The following RIN2 variants were observed in gnomAD, a reference collection of about 807,000 sequenced individuals.
RIN2 encodes Ras and Rab interactor 2.
RIN2 carries 36 observed loss-of-function variants against 78.0 expected under a neutral mutation model. The observed-to-expected ratio is 0.46, with a 90% confidence interval of 0.35 to 0.61. The LOEUF is 0.61. RIN2 is among the 20% of genes least tolerant of loss of function. The pLI is 0.00. For synonymous variants in RIN2, 466 were observed against 466.8 expected (o/e 1.00, Z 0.02); for missense variants, 1,087 against 1,159.7 (o/e 0.94, Z 0.91).
At chr20:19,857,842 T>C (rs910236444) in intron 2 of RIN2, among the ~76,000 whole-genome samples, 1 of 152,044 alleles carries the variant, frequency 6.6e-6, no homozygotes, top group Non-Finnish European at 1.5e-5. Context: ...TAATAATAAT[T>C]TGGATTTTCC....
At chr20:19,855,108 CA>C (rs1454928662) in intron 2 of RIN2, among the ~76,000 whole-genome samples, 2 of 152,178 alleles carry the variant, frequency 1.3e-5, no homozygotes, top group Non-Finnish European at 2.9e-5. Flanking sequence ...TGAATTTCGT[CA>C]AAGGCCTTTT....
At chr20:19,769,119 A>G (rs1409327460) in intron 1 of RIN2, among the ~76,000 whole-genome samples, 1 of 151,954 alleles carries the variant, frequency 6.6e-6, no homozygotes, top group Non-Finnish European at 1.5e-5. Flanking sequence ...ATGGGCTTTC[A>G]CCATGTTGGC....
intron 3 of RIN2, among the ~76,000 whole-genome samples, chr20:19,899,230 A>G (rs1010248512): frequency 2.0e-5 from 3 of 152,156 alleles, no homozygotes; most frequent in Non-Finnish European, 4.4e-5. Flanking sequence ...ATTGACTTAA[A>G]TACTGGTAGA....
chr20:19,928,027 G>T (rs373724938), intron 3 of RIN2, among the ~76,000 whole-genome samples: 1 of 151,788 alleles, frequency 6.6e-6, no homozygotes. Flanking sequence ...CTCCGCCTTC[G>T]GAGTAGCTGG....
At chr20:19,793,780 G>A (rs1026678549) in intron 1 of RIN2, among the ~76,000 whole-genome samples, 1 of 152,186 alleles carries the variant, frequency 6.6e-6, no homozygotes, top group Non-Finnish European at 1.5e-5. Context: ...ACAATTCATC[G>A]TTTTGTAGGA....
intron 1 of RIN2, among the ~76,000 whole-genome samples, chr20:19,795,251 G>A (rs1241823125): frequency 6.6e-6 from 1 of 152,150 alleles, no homozygotes; most frequent in Admixed American, 6.5e-5. Context: ...ATTTGTAAGT[G>A]GCTATAGTGT....
Position 19,975,061 on chromosome 20 carries a change from G to A in RIN2, c.1036G>A (p.Val346Ile). The change falls in exon 9 of 13, where the codon GTA becomes ATA. Residue 346 changes from valine (V) to isoleucine (I), a missense_variant. Physicochemically the swap from Val to Ile is conservative, Grantham distance 29. Coordinates refer to ENST00000255006, the MANE Select transcript of RIN2 (RefSeq NM_018993.4). This position sits in a 1 kb window ranked among gnomAD's most constrained non-coding sequence, Gnocchi z 4.9. ...AGTCAACCATAACAAACATGGGAACGTAGCTCTGCCTGGAACGAAACCAAC... is the reference window on the plus strand; with the variant it reads ...AGTCAACCATAACAAACATGGGAACATAGCTCTGCCTGGAACGAAACCAAC... ...ETVNHNKHGNVALPGTKPTPI... is the reference protein window; with the variant it reads ...ETVNHNKHGNIALPGTKPTPI... 3 of 1,613,268 alleles carry A rather than the reference G, an allele frequency of 1.9e-6. No homozygotes were observed. The highest frequency in any genetic ancestry group is 8.5e-7 in the Non-Finnish European group (1 of 1,179,836).
At chr20:19,923,469 T>TAAAATAAATAAAATAAAATA (rs144067000) in intron 3 of RIN2, among the ~76,000 whole-genome samples, 1 of 97,120 alleles carries the variant, frequency 1.0e-5, no homozygotes, top group African/African-American at 4.3e-5. Context: ...TAAAATAAAA[T>TAAAATAAATAAAATAAAATA]AAATAAAATA....
At chr20:20,000,330 G>A (rs2043104587) in intron 12 of RIN2, among the ~76,000 whole-genome samples, 1 of 152,216 alleles carries the variant, frequency 6.6e-6, no homozygotes, top group Non-Finnish European at 1.5e-5. Context: ...TTAAGCAGGG[G>A]TTTCTTAACC....
intron 2 of RIN2, among the ~76,000 whole-genome samples, chr20:19,845,749 A>G (rs1210716462): frequency 6.6e-6 from 1 of 151,976 alleles, no homozygotes; most frequent in Non-Finnish European, 1.5e-5. Context: ...CCATTTGTCT[A>G]TTTTGGCTTT....
intron 2 of RIN2, among the ~76,000 whole-genome samples, chr20:19,874,168 T>C (rs1267234034): frequency 6.6e-6 from 1 of 152,048 alleles, no homozygotes; most frequent in African/African-American, 2.4e-5. Context: ...AAGGCTGTGA[T>C]GGAGAAAATG....
At chr20:19,874,682 T>G (rs1413924917) in intron 2 of RIN2, among the ~76,000 whole-genome samples, 1 of 152,146 alleles carries the variant, frequency 6.6e-6, no homozygotes, top group Non-Finnish European at 1.5e-5. Flanking sequence ...AGAGTTGGCT[T>G]CCAGGGGAAT....
At chr20:19,946,165 C>G (rs1407771016) in intron 4 of RIN2, among the ~76,000 whole-genome samples, 3 of 152,094 alleles carry the variant, frequency 2.0e-5, no homozygotes, top group Non-Finnish European at 4.4e-5. Flanking sequence ...TGAATATGGG[C>G]TGGGGATGAG....
At chr20:19,851,025 GGAAGGAAGGAAGGAAGGAA>G (rs2036948116) in intron 2 of RIN2, among the ~76,000 whole-genome samples, 2 of 120,602 alleles carry the variant, frequency 1.7e-5, no homozygotes, top group African/African-American at 7.3e-5. Flanking sequence ...AAGGAAGGAA[GGAAGGAAGGAAGGAAGGAA>G]GGAAGGAGAA....
intron 7 of RIN2, among the ~76,000 whole-genome samples, chr20:19,965,418 C>T (rs773004837): frequency 6.6e-6 from 1 of 152,170 alleles, no homozygotes; most frequent in East Asian, 1.9e-4. Flanking sequence ...AATGTGCATG[C>T]AAACCTGTGA....
chr20:19,934,102 G>A (rs140115020), intron 3 of RIN2, among the ~76,000 whole-genome samples: 1 of 152,174 alleles, frequency 6.6e-6, no homozygotes, highest in Non-Finnish European at 1.5e-5. Flanking sequence ...GAGCCGCTAT[G>A]CCTGGCCAAT....
intron 3 of RIN2, among the ~76,000 whole-genome samples, chr20:19,893,078 T>C (rs1347792051): frequency 6.6e-6 from 1 of 152,166 alleles, no homozygotes; most frequent in African/African-American, 2.4e-5. Context: ...TTATAAATCA[T>C]GTTTTAAAAA....
At chr20:20,000,522 G>A in intron 12 of RIN2, 91 bp from the exon 13 acceptor site, 1 of 1,001,586 alleles carries the variant, frequency 1.0e-6, no homozygotes, top group Non-Finnish European at 1.5e-6. Flanking sequence ...GCCTGGAAAT[G>A]GCTTACAGTT....
chr20:19,940,038 G>A (rs924252589), intron 4 of RIN2, among the ~76,000 whole-genome samples: 1 of 152,000 alleles, frequency 6.6e-6, no homozygotes, highest in Non-Finnish European at 1.5e-5. Context: ...GTATTTTAGT[G>A]GAGACATTTC....
Sources: allele counts gnomAD v4.1 joint callset (sites outside exome capture counted in the v4.1 genomes callset), GRCh38; gene constraint gnomAD v4.1.1; non-coding constraint Gnocchi (gnomAD v3.1); transcripts MANE v1.5; gene names NCBI Gene and HGNC (gene_info 2026-07-23, HGNC 2026-07-21).